The following ADGRF1 variants were observed in gnomAD, a reference collection of about 807,000 sequenced individuals.
ADGRF1 encodes adhesion G protein-coupled receptor F1, also known as G protein-coupled receptor 110.
ADGRF1 carries 85 observed loss-of-function variants against 87.2 expected under a neutral mutation model. The observed-to-expected ratio is 0.97, with a 90% CI of 0.82 to 1.17. ADGRF1 has a LOEUF of 1.17. Ranked by LOEUF, ADGRF1 falls within the 50% of genes most tolerant of loss-of-function variation. ADGRF1 has a pLI of 0.00. For missense variants in ADGRF1, 1,169 were observed against 1,077.2 expected (o/e 1.09, Z -1.19); for synonymous variants, 430 against 408.8 (o/e 1.05, Z -0.63).
At chr6:47,004,382 T>C (rs1199577260) in intron 13 of ADGRF1, among the ~76,000 whole-genome samples, 4 of 152,190 alleles carry the variant, frequency 2.6e-5, no homozygotes, top group Non-Finnish European at 5.9e-5. Flanking sequence ...CAAAATCTCA[T>C]TTTTGTCACC....
rs1779617443 is a variant in ADGRF1, at chr6:47,009,116, A to T, written c.2319T>A (p.Thr773=). The part of the protein sequence containing the change: ...LLVLTKLWRP[T]VGERLSRDDK... ...CATCCCGACTCAGTCTTTCCCCAACAGTCGGCCTCCAGAGCTTTGTGAGAA... is the reference window on the plus strand; with the variant it reads ...CATCCCGACTCAGTCTTTCCCCAACTGTCGGCCTCCAGAGCTTTGTGAGAA... Residue 773 remains threonine (T), a synonymous_variant, in exon 11 of 15, where the codon ACT becomes ACA. Transcript: ENST00000371253. 1 of 1,614,018 alleles carries T rather than the reference A, an allele frequency of 6.2e-7. No individual in the cohort carries two copies. The highest frequency in any genetic ancestry group is 1.3e-5 in the African/African-American group (1 of 74,934).
chr6:47,027,608 T>C, intron 3 of ADGRF1, 96 bp downstream of exon 3: 1 of 761,664 alleles, frequency 1.3e-6, no homozygotes, highest in African/African-American at 1.7e-5. Context: ...ATAATGTGCC[T>C]AGGATCATAC....
At chr6:47,019,436 C>G (rs1690427021) in intron 7 of ADGRF1, 4 of 918,930 alleles carry the variant, frequency 4.4e-6, no homozygotes, top group Non-Finnish European at 5.2e-6. Context: ...GTAATCCCAG[C>G]ACTTTGGGAA....
chr6:47,026,378 C>T (rs142784440), intron 3 of ADGRF1, among the ~76,000 whole-genome samples: 11 of 152,058 alleles, frequency 7.2e-5, no homozygotes, highest in African/African-American at 2.4e-4. Flanking sequence ...CCCTCCCCCG[C>T]CCCCAGCTCT....
intron 8 of ADGRF1, 94 bp downstream of exon 8, chr6:47,016,523 T>C: frequency 1.5e-6 from 2 of 1,358,344 alleles, no homozygotes; most frequent in Non-Finnish European, 1.9e-6. Flanking sequence ...CAATTCGTTA[T>C]TCAAACGTCT....
intron 1 of ADGRF1, among the ~76,000 whole-genome samples, chr6:47,036,965 A>G (rs1214386034): frequency 6.6e-6 from 1 of 152,188 alleles, no homozygotes; most frequent in Non-Finnish European, 1.5e-5. Context: ...CCTTTCACGC[A>G]TCTGAATTCC....
At chr6:47,001,654 T>C in intron 13 of ADGRF1, 87 bp from the exon 14 acceptor site, 2 of 1,010,002 alleles carry the variant, frequency 2.0e-6, no homozygotes, top group Non-Finnish European at 3.0e-6. Context: ...ATGTTATTCA[T>C]GATTCTTTAT....
intron 1 of ADGRF1, among the ~76,000 whole-genome samples, chr6:47,038,087 C>A (rs1316326372): frequency 6.6e-6 from 1 of 152,196 alleles, no homozygotes; most frequent in Non-Finnish European, 1.5e-5. Context: ...TCTCGAACTC[C>A]TGACCTCAGG....
chr6:47,027,233 A>G (rs1427662907), intron 3 of ADGRF1, among the ~76,000 whole-genome samples: 3 of 152,222 alleles, frequency 2.0e-5, no homozygotes, highest in Admixed American at 2.0e-4. Flanking sequence ...TTGCACAGTG[A>G]TAGGTGCTAT....
chr6:47,014,836 T>C lies in ADGRF1; in HGVS notation c.772A>G (p.Asn258Asp). ...GACCCAAATCCAAAGACAATGTCAT[T>C]ACACTGGGCTGGAAACAAAAGAAAA... is the stretch of plus-strand genomic sequence containing the variant. The part of the protein sequence containing the change: ...SFRVFGKAQC[N>D]DIVFGFGSKD... The change falls in exon 9 of 15, where the codon AAT becomes GAT. Residue 258 changes from asparagine (N) to aspartate (D), a missense_variant. Transcript: ENST00000371253. The C allele has an allele frequency of 1.2e-6, 2 of 1,603,428 alleles. No individual in the cohort carries two copies. Among genetic ancestry groups the C allele is most frequent in the South Asian group, 2.2e-5 (2 of 89,758 alleles).
At chr6:47,028,030 G>A (rs1780296451) in intron 2 of ADGRF1, among the ~76,000 whole-genome samples, 1 of 152,130 alleles carries the variant, frequency 6.6e-6, no homozygotes, top group African/African-American at 2.4e-5. Flanking sequence ...GGGGTCAGAG[G>A]GTCTCTGGGG....
At chr6:47,014,939 AT>A (rs1779821395) in intron 8 of ADGRF1, 95 bp from the exon 9 acceptor site, 1 of 1,388,890 alleles carries the variant, frequency 7.2e-7, no homozygotes, top group South Asian at 1.7e-5. Flanking sequence ...TTTAGAACTC[AT>A]TTTTGGAGAT....
intron 13 of ADGRF1, among the ~76,000 whole-genome samples, chr6:47,004,308 A>C (rs1269499083): frequency 1.3e-5 from 2 of 152,200 alleles, no homozygotes; most frequent in African/African-American, 4.8e-5. Context: ...TTATAAATGC[A>C]CATATTTTCT....
In ADGRF1 at chr6:46,998,791, ACT is replaced by A. The variant is rs1779278201; in HGVS notation, c.*1429_*1430del. 6.6e-6 allele frequency: 1 copy of A among 152,068 alleles called. No individual in the cohort carries two copies. Among genetic ancestry groups the A allele is most frequent in the Non-Finnish European group, 1.5e-5 (1 of 68,000 alleles). 9.4% of individuals were successfully genotyped at this position (152,068 alleles called of 1,614,324 possible). A position where few individuals can be genotyped will look rare whatever the true frequency, so the allele number is the denominator to read the frequency against. On this transcript the variant is annotated 3_prime_UTR_variant, in exon 15 of 15. Coordinates refer to ENST00000371253, the MANE Select transcript of ADGRF1 (RefSeq NM_153840.4). Reference sequence around the variant, plus strand: ...AAGTCTTTCTCATAAAATTCTGTTGACTCTCATACATATTTGTGGGGTATAGA... The same window carrying A: ...AAGTCTTTCTCATAAAATTCTGTTGACTCATACATATTTGTGGGGTATAGA...
intron 7 of ADGRF1, chr6:47,018,034 G>T: frequency 5.2e-6 from 1 of 193,252 alleles, no homozygotes; most frequent in Non-Finnish European, 1.1e-5. Flanking sequence ...AATGGAAATA[G>T]GGAAGACAGT....
rs36055916 is a variant in ADGRF1, at chr6:46,999,556, C to A, written c.*666G>T. 6.6e-6 allele frequency: 1 copy of A among 152,042 alleles called. No individual in the cohort carries two copies. The highest frequency in any genetic ancestry group is 1.5e-5 in the Non-Finnish European group (1 of 68,048). The allele number at this position is 152,042 out of a possible 1,614,324, so 9.4% of individuals were successfully genotyped here. ...ACACTTTTGTTTGCAGGGTTTAGGA[C>A]CAGATGGAAGTGCCTTGTAAACTGA... On this transcript the variant is annotated 3_prime_UTR_variant, in exon 15 of 15. Transcript: ENST00000371253.
chr6:47,019,635 G>A (rs1779980723), intron 7 of ADGRF1: 12 of 451,418 alleles, frequency 2.7e-5, no homozygotes, highest in Non-Finnish European at 3.2e-5. Context: ...AGTGAGCCGA[G>A]ATCGTGCCAC....
chr6:47,018,476 ATACC>A (rs1779946215), intron 7 of ADGRF1: 1 of 1,289,518 alleles, frequency 7.8e-7, no homozygotes, highest in Non-Finnish European at 1.0e-6. Flanking sequence ...GATGGTCACA[ATACC>A]TTTGTATTGA....
In ADGRF1 at chr6:47,009,940, C is replaced by T; in HGVS notation, c.1495G>A (p.Ala499Thr). Reference sequence around the variant, plus strand: ...GATATCACAGGTCCATTGACCTGAGCATTTCCATTTTTGGAAACGGGTAGA... The same window carrying T: ...GATATCACAGGTCCATTGACCTGAGTATTTCCATTTTTGGAAACGGGTAGA... ...NILPVSKNGN[A>T]QVNGPVISTV... Residue 499 changes from alanine (A) to threonine (T), a missense_variant, in exon 11 of 15, where the codon GCT becomes ACT. Transcript: ENST00000371253. The T allele has an allele frequency of 6.2e-7, 1 of 1,614,110 alleles. No individual in the cohort carries two copies. Among genetic ancestry groups the T allele is most frequent in the Admixed American group, 1.7e-5 (1 of 60,014 alleles).
Sources: allele counts gnomAD v4.1 joint callset (sites outside exome capture counted in the v4.1 genomes callset), GRCh38; gene constraint gnomAD v4.1.1; transcripts MANE v1.5; gene names NCBI Gene and HGNC (gene_info 2026-07-23, HGNC 2026-07-21).